Variants in EMX2 observed in about 807,000 individuals in gnomAD.
EMX2 encodes empty spiracles homeobox 2, also known as homeobox protein EMX2.
A neutral mutation model predicts 23.0 loss-of-function variants in EMX2; 6 were observed. The observed-to-expected ratio is 0.26, with a 90% confidence interval of 0.14 to 0.52. The LOEUF (loss-of-function observed/expected upper bound fraction) is 0.52. Among genes scored for constraint, EMX2 ranks in the 20% least tolerant of loss-of-function variants. EMX2 has a pLI of 0.97. For synonymous variants in EMX2, 175 were observed against 153.3 expected (o/e 1.14, Z -1.04); for missense variants, 302 against 341.4 (o/e 0.88, Z 0.91).
At chr10:117,545,166 A>G (rs1260398144) in intron 1 of EMX2, 2 of 155,218 alleles carry the variant, frequency 1.3e-5, no homozygotes, top group African/African-American at 2.4e-5. Flanking sequence ...TTAAAAATAA[A>G]TCTCCATGAA....
Position 117,543,192 on chromosome 10 carries a change from GGGCAGCGGGCGGCGGA to G in EMX2, c.-68_-53del. 2 of 1,016,752 alleles carry G rather than the reference GGGCAGCGGGCGGCGGA, an allele frequency of 2.0e-6. No homozygotes were observed. The highest frequency in any genetic ancestry group is 1.8e-5 in the South Asian group (1 of 54,666). The allele number at this position is 1,016,752 out of a possible 1,614,324, so 63.0% of individuals were successfully genotyped here. A position where few individuals can be genotyped will look rare whatever the true frequency, so the allele number is the denominator to read the frequency against. On this transcript the variant is annotated 5_prime_UTR_variant, in exon 1 of 3. Transcript: ENST00000553456. Reference sequence around the variant, plus strand: ...CCCAATTCTCGTCCGTCCTCGCCGCGGGCAGCGGGCGGCGGAGGCAGCGTGCGGCGGTCGCCAGGAG... The same window carrying G: ...CCCAATTCTCGTCCGTCCTCGCCGCGGGCAGCGTGCGGCGGTCGCCAGGAG...
At position 117,548,157 on chromosome 10, in the gene EMX2, G is replaced by T; in HGVS notation, c.684G>T (p.Thr228=). 6.2e-7 allele frequency: 1 copy of T among 1,613,954 alleles called. No homozygotes were observed. The highest frequency in any genetic ancestry group is 2.2e-5 in the East Asian group (1 of 44,870). ...ATTCGCAACAAAAGAAAAAAGGGAC[G>T]CACCATATTAACCGGTGGAGAATCG... ...GSDSQQKKKG[T]HHINRWRIAT... The change falls in exon 3 of 3, where the codon ACG becomes ACT. Residue 228 remains threonine, a synonymous_variant. Coordinates refer to ENST00000553456, the MANE Select transcript of EMX2 (RefSeq NM_004098.4).
chr10:117,545,853 G>T, intron 2 of EMX2, 37 bp downstream of exon 2: 2 of 1,612,996 alleles, frequency 1.2e-6, no homozygotes, highest in Non-Finnish European at 1.7e-6. Context: ...CCATCTAGGC[G>T]TGCGCCCCCT....
rs186633389 is a variant in EMX2 at position 117,547,989 on chromosome 10, T to C, written c.592-76T>C. 6.0e-5 allele frequency: 93 copies of C among 1,543,370 alleles called. 1 individual carries two copies. The East Asian group carries it at 2.2e-3, about 37-fold the overall frequency. On this transcript the variant is annotated intron_variant, in intron 2 of 2. Coordinates refer to ENST00000553456, the MANE Select transcript of EMX2 (RefSeq NM_004098.4). ...CTGAGTCTGGAACTGGAGTCTGGGCTGGGTGAAAGGATCAGGCACTTGATA... is the reference window on the plus strand; with the variant it reads ...CTGAGTCTGGAACTGGAGTCTGGGCCGGGTGAAAGGATCAGGCACTTGATA...
In EMX2 at chr10:117,548,067, A is replaced by G. The variant is rs1325147214; in HGVS notation, c.594A>G (p.Val198=). Residue 198 remains valine, a splice_region_variant and synonymous_variant, in exon 3 of 3, where the codon GTA becomes GTG. Transcript: ENST00000553456. ...CCCCATCTGCCTCTCACCCGCAGGT[A>G]AAAGTATGGTTTCAGAACCGAAGAA... The part of the protein sequence containing the change: ...AHSLSLTETQ[V]KVWFQNRRTK... 6.2e-7 allele frequency: 1 copy of G among 1,610,504 alleles called. No homozygotes were observed. Among genetic ancestry groups the G allele is most frequent in the Admixed American group, 1.7e-5 (1 of 59,538 alleles).
At chr10:117,544,286 C>T (rs1846543318) in intron 1 of EMX2, 1 of 154,482 alleles carries the variant, frequency 6.5e-6, no homozygotes, top group Admixed American at 6.4e-5. Context: ...AGCTCCAGGG[C>T]TTGGCGCTCT....
chr10:117,543,091 T>G lies in EMX2; in HGVS notation c.-177T>G. On this transcript the variant is annotated 5_prime_UTR_variant, in exon 1 of 3. Transcript: ENST00000553456. ...CCTCTCCCTCTCCCTCCCCCCTCCTTTCCTTTTTCCTTTCCTTTCCTTTCT... is the reference window on the plus strand; with the variant it reads ...CCTCTCCCTCTCCCTCCCCCCTCCTGTCCTTTTTCCTTTCCTTTCCTTTCT... The G allele has an allele frequency of 1.8e-5, 6 of 329,264 alleles. No homozygotes were observed. Among genetic ancestry groups the G allele is most frequent in the South Asian group, 2.9e-5 (1 of 34,004 alleles). 20.4% of individuals were successfully genotyped at this position (329,264 alleles called of 1,614,324 possible). A position where few individuals can be genotyped will look rare whatever the true frequency, so the allele number is the denominator to read the frequency against.
chr10:117,543,229 A>AGGAGCTGGGAGCCCAGGGCGCCCGCTC lies in EMX2; in HGVS notation c.-38_-12dup, dbSNP rs1846519140. ...GCGGAGGCAGCGTGCGGCGGTCGCC[A>AGGAGCTGGGAGCCCAGGGCGCCCGCTC]GGAGCTGGGAGCCCAGGGCGCCCGC... On this transcript the variant is annotated 5_prime_UTR_variant, in exon 1 of 3. Transcript: ENST00000553456. 1.6e-6 allele frequency: 2 copies of AGGAGCTGGGAGCCCAGGGCGCCCGCTC among 1,281,836 alleles called. No individual in the cohort carries two copies. The highest frequency in any genetic ancestry group is 3.4e-5 in the African/African-American group (2 of 58,426). 79.4% of individuals were successfully genotyped at this position (1,281,836 alleles called of 1,614,324 possible).
At chr10:117,546,864 G>A (rs1165995565) in intron 2 of EMX2, among the ~76,000 whole-genome samples, 1 of 152,248 alleles carries the variant, frequency 6.6e-6, no homozygotes, top group Admixed American at 6.5e-5. Context: ...CTTTTTTCAT[G>A]GAGCACTTTG....
chr10:117,543,313 G>C lies in EMX2; in HGVS notation c.46G>C (p.Val16Leu). Residue 16 changes from valine (V) to leucine (L), a missense_variant, in exon 1 of 3, where the codon GTG becomes CTG. Physicochemically the swap from Val to Leu is conservative, Grantham distance 32. Transcript: ENST00000553456. Reference sequence around the variant, plus strand: ...GCGCTGCTTCACCATCGAGTCGCTGGTGGCCAAGGACAGTCCCCTGCCCGC... The same window carrying C: ...GCGCTGCTTCACCATCGAGTCGCTGCTGGCCAAGGACAGTCCCCTGCCCGC... Reference protein sequence around the residue: ...PKRCFTIESLVAKDSPLPASR... With the variant: ...PKRCFTIESLLAKDSPLPASR... The C allele has an allele frequency of 1.3e-6, 2 of 1,551,392 alleles. No homozygotes were observed. The highest frequency in any genetic ancestry group is 1.7e-6 in the Non-Finnish European group (2 of 1,147,584).
chr10:117,545,498 C>T (rs1846564014), intron 1 of EMX2, 134 bp from the exon 2 acceptor site: 3 of 1,099,614 alleles, frequency 2.7e-6, no homozygotes, highest in Non-Finnish European at 3.9e-6. Flanking sequence ...GGAGGACCAC[C>T]GGCCCCCGCA....
chr10:117,543,657 G>A lies in EMX2; in HGVS notation c.390G>A (p.Leu130=), dbSNP rs1370015128. Residue 130 remains leucine (L), a synonymous_variant, in exon 1 of 3, where the codon CTG becomes CTA. Transcript: ENST00000553456. ...GGCTCATCCACCGCTACCGATATCT[G>A]GGTCATCGCTTCCAAGGTACGTGCC... ...YPWLIHRYRY[L]GHRFQGNDTS... is the part of the protein sequence containing the mutation. 3 of 1,613,580 alleles carry A rather than the reference G, an allele frequency of 1.9e-6. No homozygotes were observed. The highest frequency in any genetic ancestry group is 1.7e-5 in the Admixed American group (1 of 60,014).
chr10:117,545,574 T>G (rs1846565438), intron 1 of EMX2, 58 bp from the exon 2 acceptor site: 1 of 1,604,764 alleles, frequency 6.2e-7, no homozygotes, highest in African/African-American at 1.3e-5. Context: ...TCGGGAGAAG[T>G]GCGCGGCTCC....
In EMX2 at chr10:117,548,921, T is replaced by C. The variant is rs917775114; in HGVS notation, c.*689T>C. ...CCTTTTAAAGACAGGTTCTGTGTGC[T>C]TTTTATTTTGATTTTTTTTCCCAAG... On this transcript the variant is annotated 3_prime_UTR_variant, in exon 3 of 3. Transcript: ENST00000553456. 7 of 348,660 alleles carry C rather than the reference T, an allele frequency of 2.0e-5. No homozygotes were observed. Among genetic ancestry groups the C allele is most frequent in the Non-Finnish European group, 3.6e-5 (7 of 195,524 alleles). 21.6% of individuals were successfully genotyped at this position (348,660 alleles called of 1,614,324 possible).
At chr10:117,543,807 G>A in intron 1 of EMX2, 134 bp downstream of exon 1, 4 of 1,424,402 alleles carry the variant, frequency 2.8e-6, no homozygotes, top group South Asian at 1.2e-5. Flanking sequence ...CGCCCTGTTG[G>A]GAAACTAGGC....
chr10:117,543,217 G>A lies in EMX2; in HGVS notation c.-51G>A. 7.1e-7 allele frequency: 1 copy of A among 1,413,774 alleles called. No individual in the cohort carries two copies. Among genetic ancestry groups the A allele is most frequent in the Non-Finnish European group, 9.3e-7 (1 of 1,079,424 alleles). The allele number at this position is 1,413,774 out of a possible 1,614,324, so 87.6% of individuals were successfully genotyped here. On this transcript the variant is annotated 5_prime_UTR_variant, in exon 1 of 3. Transcript: ENST00000553456. The stretch of plus-strand genomic sequence containing the variant: ...GGGCAGCGGGCGGCGGAGGCAGCGT[G>A]CGGCGGTCGCCAGGAGCTGGGAGCC...
In EMX2 at chr10:117,543,726, T is replaced by C. The variant is rs1002394195; in HGVS notation, c.406+53T>C. 61 of 1,612,440 alleles carry C rather than the reference T, an allele frequency of 3.8e-5. 1 individual carries two copies. In the South Asian group the frequency reaches 6.3e-4, roughly 17 times the overall value. Reference sequence around the variant, plus strand: ...GCGCCGCTCCCGCCGCATCCTTCACTGCCCCCGGCCTGCTCCGGGTGGGCG... The same window carrying C: ...GCGCCGCTCCCGCCGCATCCTTCACCGCCCCCGGCCTGCTCCGGGTGGGCG... On this transcript the variant is annotated intron_variant, in intron 1 of 2. Transcript: ENST00000553456.
rs1846607872 is a variant in EMX2, at chr10:117,548,225, A to T, written c.752A>T (p.Asp251Val). 1 of 1,613,874 alleles carries T rather than the reference A, an allele frequency of 6.2e-7. No individual in the cohort carries two copies. Among genetic ancestry groups the T allele is most frequent in the Non-Finnish European group, 8.5e-7 (1 of 1,179,900 alleles). The change falls in exon 3 of 3, where the codon GAT becomes GTT. Residue 251 changes from aspartate to valine, a missense_variant. Around this residue, in one of 4 missense-constraint regions of EMX2, gnomAD observed 42 missense variants for 49.3 expected, o/e 0.85. Transcript: ENST00000553456. The stretch of plus-strand genomic sequence containing the variant: ...CCGGAGGAAATAGACGTGACCTCAG[A>T]TGATTAAAAACATAAACCTAACCCC... ...ASPEEIDVTS[D>V]D
At position 117,547,998 on chromosome 10, in the gene EMX2, G is replaced by A. The variant is rs574010797; in HGVS notation, c.592-67G>A. ...GAACTGGAGTCTGGGCTGGGTGAAAGGATCAGGCACTTGATAGAAGGGTGC... is the reference window on the plus strand; with the variant it reads ...GAACTGGAGTCTGGGCTGGGTGAAAAGATCAGGCACTTGATAGAAGGGTGC... On this transcript the variant is annotated intron_variant, in intron 2 of 2. Transcript: ENST00000553456. 45 of 1,551,696 alleles carry A rather than the reference G, an allele frequency of 2.9e-5. 1 individual carries two copies. In the South Asian group the frequency reaches 5.3e-4, roughly 18 times the overall value.
Sources: allele counts gnomAD v4.1 joint callset (sites outside exome capture counted in the v4.1 genomes callset), GRCh38; gene constraint gnomAD v4.1.1; regional missense constraint gnomAD v4.1.1; transcripts MANE v1.5; gene names NCBI Gene and HGNC (gene_info 2026-07-23, HGNC 2026-07-21).